The following PREP variants were observed in gnomAD, a reference collection of about 807,000 sequenced individuals.
PREP encodes dJ355L5.1 (prolyl endopeptidase).
PREP carries 29 observed loss-of-function variants against 87.6 expected under a neutral mutation model. The ratio of observed to expected loss-of-function variants is 0.33; its 90% confidence interval spans 0.25 to 0.45. The LOEUF (loss-of-function observed/expected upper bound fraction) is 0.45. Among genes scored for constraint, PREP ranks in the 20% least tolerant of loss-of-function variants. PREP has a pLI of 1.00. For missense variants in PREP, 695 were observed against 886.5 expected (o/e 0.78, Z 2.74); for synonymous variants, 337 against 328.6 (o/e 1.03, Z -0.28).
At position 105,278,119 on chromosome 6, in the gene PREP, T is replaced by C. The variant is rs763244320; in HGVS notation, c.*25A>G. 1.9e-5 allele frequency: 31 copies of C among 1,590,782 alleles called. No homozygotes were observed. The highest frequency in any genetic ancestry group is 2.5e-5 in the Non-Finnish European group (29 of 1,164,934). ...GAAAGCCCTTGAGGTTTTCTGTCGCTGTCAGGAGGAAGCACGAAAACTGTT... is the reference window on the plus strand; with the variant it reads ...GAAAGCCCTTGAGGTTTTCTGTCGCCGTCAGGAGGAAGCACGAAAACTGTT... On this transcript the variant is annotated 3_prime_UTR_variant, in exon 15 of 15. Transcript: ENST00000652536. The surrounding 1 kb of genome is among the most constrained non-coding windows in gnomAD (Gnocchi z 4.2).
intron 10 of PREP, among the ~76,000 whole-genome samples, chr6:105,290,710 A>G (rs1770282206): frequency 6.6e-6 from 1 of 152,186 alleles, no homozygotes; most frequent in African/African-American, 2.4e-5. Context: ...CAACTCTCTT[A>G]TCTGACTCCA....
At chr6:105,386,264 C>T (rs1772993262) in intron 2 of PREP, among the ~76,000 whole-genome samples, 1 of 152,158 alleles carries the variant, frequency 6.6e-6, no homozygotes, top group Admixed American at 6.5e-5. Context: ...TCCAACATTG[C>T]TAAGGGTTCT....
chr6:105,322,560 C>T (rs1224194684), intron 10 of PREP: 11 of 986,240 alleles, frequency 1.1e-5, no homozygotes, highest in African/African-American at 1.7e-5. Flanking sequence ...GAAGATTCTG[C>T]AAACTTTTTC....
chr6:105,395,285 G>A (rs960488596), intron 2 of PREP, among the ~76,000 whole-genome samples: 3 of 152,140 alleles, frequency 2.0e-5, no homozygotes, highest in Non-Finnish European at 2.9e-5. Context: ...CCTTTAGCTC[G>A]CATCTGCAAA....
intron 1 of PREP, 120 bp downstream of exon 1, chr6:105,402,727 G>C (rs1055651606): frequency 2.2e-6 from 2 of 925,912 alleles, no homozygotes; most frequent in African/African-American, 1.7e-5. Flanking sequence ...CAAAGGCCGA[G>C]GGGGAGGGGA....
At chr6:105,288,623 C>T in intron 11 of PREP, 135 bp downstream of exon 11, 1 of 1,164,304 alleles carries the variant, frequency 8.6e-7, no homozygotes, top group East Asian at 2.6e-5. Flanking sequence ...TCCCAAGGTG[C>T]TGGGATTATA....
chr6:105,337,116 T>C (rs1418057851), intron 7 of PREP, among the ~76,000 whole-genome samples: 1 of 152,230 alleles, frequency 6.6e-6, no homozygotes, highest in African/African-American at 2.4e-5. Flanking sequence ...ATTTACCGTA[T>C]TCGTTTTTCA....
intron 5 of PREP, among the ~76,000 whole-genome samples, chr6:105,370,362 T>C (rs1388830977): frequency 6.7e-6 from 1 of 148,996 alleles, no homozygotes; most frequent in African/African-American, 2.5e-5. Flanking sequence ...ATGGCCAGAA[T>C]TCAGAACCCT....
intron 4 of PREP, among the ~76,000 whole-genome samples, chr6:105,374,637 TATATATATATATATATATATATA>T (rs1772641042): frequency 5.5e-3 from 1 of 182 alleles, no homozygotes; most frequent in Non-Finnish European, 0.016. Context: ...ATTGTTTATA[TATATATATATATATATATATATA>T]TATATATATA....
At position 105,397,808 on chromosome 6, in the gene PREP, G is replaced by A. The variant is rs1302348110; in HGVS notation, c.120+45C>T. The A allele has an allele frequency of 3.5e-6, 5 of 1,411,404 alleles. No homozygotes were observed. The African/African-American group carries it at 5.7e-5, about 16-fold the overall frequency. 87.4% of individuals were successfully genotyped at this position (1,411,404 alleles called of 1,614,324 possible). On this transcript the variant is annotated intron_variant, in intron 2 of 14. Coordinates refer to ENST00000652536, the MANE Select transcript of PREP (RefSeq NM_002726.5). ...TAGTTACTGACATTTAGAGTTTGGT[G>A]CTAGCTACTAAGGCTGCCTTATCTT...
intron 10 of PREP, chr6:105,322,447 G>A (rs1020565883): frequency 1.4e-5 from 14 of 984,732 alleles, no homozygotes; most frequent in African/African-American, 3.5e-5. Flanking sequence ...CTTGCCCCAC[G>A]TGGATTTCAG....
chr6:105,293,891 C>G (rs1583039331), intron 10 of PREP, among the ~76,000 whole-genome samples: 2 of 152,170 alleles, frequency 1.3e-5, no homozygotes, highest in African/African-American at 4.8e-5. Flanking sequence ...TTTTCCATCA[C>G]GTACTTTCTA....
chr6:105,333,799 C>T (rs1771406319), intron 7 of PREP, among the ~76,000 whole-genome samples: 1 of 152,180 alleles, frequency 6.6e-6, no homozygotes, highest in African/African-American at 2.4e-5. Context: ...AATCTGGGCA[C>T]TTCTCTCCAC....
chr6:105,281,933 G>A (rs1770090509), intron 13 of PREP, 31 bp from the exon 14 acceptor site: 2 of 1,608,586 alleles, frequency 1.2e-6, no homozygotes, highest in African/African-American at 1.3e-5. Context: ...GAAAAGGGAG[G>A]CAGTCTATCA....
intron 2 of PREP, among the ~76,000 whole-genome samples, chr6:105,378,001 G>A (rs1439593637): frequency 6.6e-6 from 1 of 152,154 alleles, no homozygotes; most frequent in African/African-American, 2.4e-5. Context: ...CCATGGTTCC[G>A]GGATTCTTAT....
intron 10 of PREP, among the ~76,000 whole-genome samples, chr6:105,291,392 G>A (rs1270846341): frequency 6.6e-6 from 1 of 152,194 alleles, no homozygotes; most frequent in African/African-American, 2.4e-5. Context: ...GGGATACAAA[G>A]TATTAATCCT....
chr6:105,330,511 G>A (rs1183663050), intron 8 of PREP, among the ~76,000 whole-genome samples: 2 of 152,152 alleles, frequency 1.3e-5, no homozygotes, highest in Non-Finnish European at 2.9e-5. Context: ...GGAGTGAGAG[G>A]TGATGAGGAA....
chr6:105,402,802 G>A, intron 1 of PREP, 45 bp downstream of exon 1: 2 of 1,512,596 alleles, frequency 1.3e-6, no homozygotes, highest in Non-Finnish European at 8.9e-7. Context: ...GGCAGGCTGG[G>A]CACCTTTGCC....
chr6:105,281,802 A>T lies in PREP; in HGVS notation c.1782T>A (p.Ala594=). The part of the protein sequence containing the change: ...LKFHKYTIGH[A]WTTDYGCSDS... ...CCGAGCACCCATAATCAGTGGTCCA[A>T]GCATGGCCGATGGTATATTTATGAA... Residue 594 remains alanine, a synonymous_variant, in exon 14 of 15, where the codon GCT becomes GCA. Transcript: ENST00000652536. 1 of 1,614,252 alleles carries T rather than the reference A, an allele frequency of 6.2e-7. No homozygotes were observed. Among genetic ancestry groups the T allele is most frequent in the Non-Finnish European group, 8.5e-7 (1 of 1,180,046 alleles).
Sources: gnomAD v4.1 joint callset for allele counts (sites outside exome capture counted in the v4.1 genomes callset) on GRCh38, gnomAD v4.1.1 for gene constraint, Gnocchi (gnomAD v3.1) non-coding constraint, MANE v1.5 for transcripts, NCBI Gene and HGNC (gene_info 2026-07-23, HGNC 2026-07-21) for gene names.